MANBA: variants seen among roughly 807,000 people sequenced by gnomAD.
MANBA encodes mannosidase beta.
MANBA carries 83 observed loss-of-function variants against 111.1 expected under a neutral mutation model. The ratio of observed to expected loss-of-function variants is 0.75; its 90% CI spans 0.63 to 0.90. The LOEUF (loss-of-function observed/expected upper bound fraction) is 0.90, where lower values mean the gene tolerates loss of function less well. Ranked by LOEUF, MANBA falls within the 40% of genes least tolerant of loss-of-function variation. The pLI, the probability that MANBA is intolerant of heterozygous loss-of-function variation, is 0.00. For synonymous variants in MANBA, 370 were observed against 378.7 expected, an observed-to-expected ratio of 0.98 and a Z score of 0.27; for missense variants, 1,036 against 1,069.0, an observed-to-expected ratio of 0.97 and a Z score of 0.43.
intron 2 of MANBA, among the ~76,000 whole-genome samples, chr4:102,724,483 C>T (rs1194801124): frequency 2.0e-5 from 3 of 151,052 alleles, no homozygotes; most frequent in African/African-American, 4.9e-5. Context: ...CACTTGAACC[C>T]AGGAGGCGGA....
At chr4:102,694,152 G>A (rs1387579834) in intron 5 of MANBA, among the ~76,000 whole-genome samples, 1 of 152,164 alleles carries the variant, frequency 6.6e-6, no homozygotes, top group African/African-American at 2.4e-5. Context: ...TCTCGAGCAA[G>A]TCCGCACTCC....
chr4:102,727,247 A>G, intron 1 of MANBA: 1 of 466,100 alleles, frequency 2.1e-6, no homozygotes. Flanking sequence ...TCTGGGTTTC[A>G]TGTTTCTGTG....
intron 5 of MANBA, among the ~76,000 whole-genome samples, chr4:102,711,299 C>CA: frequency 6.6e-6 from 1 of 152,174 alleles, no homozygotes; most frequent in South Asian, 2.1e-4. Context: ...TAAAAGTGGG[C>CA]AAAGGACATG....
intron 1 of MANBA, among the ~76,000 whole-genome samples, chr4:102,758,390 C>T (rs1256266627): frequency 1.3e-5 from 2 of 152,108 alleles, no homozygotes; most frequent in East Asian, 1.9e-4. Flanking sequence ...CAAGTTCTTA[C>T]ACAAACACAA....
chr4:102,728,635 T>G (rs1578944314), intron 1 of MANBA: 1 of 502,702 alleles, frequency 2.0e-6, no homozygotes, highest in Non-Finnish European at 3.6e-6. Flanking sequence ...ACCCTGTGGG[T>G]GGGTTGAGGG....
chr4:102,660,788 TATA>T (rs1164254880), intron 11 of MANBA, among the ~76,000 whole-genome samples: 4 of 148,596 alleles, frequency 2.7e-5, no homozygotes, highest in Non-Finnish European at 4.5e-5. Flanking sequence ...ATAATATTAA[TATA>T]ATAATTATAA....
Position 102,692,556 on chromosome 4 carries a change from C to A in MANBA, c.674-1785G>T, listed in dbSNP as rs1309258104. 5.3e-5 allele frequency among the ~76,000 whole-genome samples: 8 copies of A among 152,088 alleles called. No homozygotes were observed. The South Asian group carries it at 1.5e-3, about 28-fold the overall frequency. On this transcript the variant is annotated intron_variant, in intron 5 of 16. Transcript: ENST00000647097. ...ACAAGAGCTGGGTGGAAAAACAGAC[C>A]GTTTTTTAAAGTTACGCAGAAGAAA...
chr4:102,662,321 C>G (rs1731000359), intron 11 of MANBA, among the ~76,000 whole-genome samples: 1 of 152,002 alleles, frequency 6.6e-6, no homozygotes, highest in Non-Finnish European at 1.5e-5. Flanking sequence ...GTGGGTGGAG[C>G]AGGAGGTCAG....
intron 1 of MANBA, among the ~76,000 whole-genome samples, chr4:102,736,007 G>A (rs916669717): frequency 2.6e-5 from 4 of 152,094 alleles, no homozygotes; most frequent in Non-Finnish European, 4.4e-5. Context: ...ATACTTACAC[G>A]TTTATACCAG....
Position 102,760,775 on chromosome 4 carries a change from C to T in MANBA, c.120G>A (p.Leu40=), listed in dbSNP as rs1373838394. The change falls in exon 1 of 17, where the codon CTG becomes CTA. Residue 40 remains leucine (L), a synonymous_variant. Transcript: ENST00000647097. The part of the protein sequence containing the change: ...SICNGNGSLE[L]PGAVPGCVHS... ...GCACGCAGCCAGGGACCGCCCCGGG[C>T]AGCTCCAGCGAGCCGTTCCCATTGC... 6.4e-7 allele frequency: 1 copy of T among 1,551,576 alleles called. No individual in the cohort carries two copies. Among genetic ancestry groups the T allele is most frequent in the Non-Finnish European group, 8.7e-7 (1 of 1,147,920 alleles).
At chr4:102,745,487 T>A (rs1330707677) in intron 1 of MANBA, among the ~76,000 whole-genome samples, 1 of 152,190 alleles carries the variant, frequency 6.6e-6, no homozygotes, top group Non-Finnish European at 1.5e-5. Context: ...GGGTGTATCT[T>A]CTGGACCCTC....
At chr4:102,680,603 G>GA (rs1042851804) in intron 7 of MANBA, among the ~76,000 whole-genome samples, 3 of 150,446 alleles carry the variant, frequency 2.0e-5, no homozygotes, top group Non-Finnish European at 3.0e-5. Flanking sequence ...AATCACACAG[G>GA]AAAAAAAAAG....
At chr4:102,715,825 CAG>C (rs1322387440) in intron 4 of MANBA, among the ~76,000 whole-genome samples, 1 of 152,162 alleles carries the variant, frequency 6.6e-6, no homozygotes. Flanking sequence ...ACCTATGAAA[CAG>C]ATAAATTTGG....
intron 1 of MANBA, 67 bp from the exon 2 acceptor site, chr4:102,726,750 A>C (rs1370826212): frequency 8.5e-6 from 7 of 826,166 alleles, no homozygotes; most frequent in Non-Finnish European, 1.5e-5. Context: ...TAAAACAAAC[A>C]TAAAATAAAT....
chr4:102,731,657 C>T (rs1163181548), intron 1 of MANBA, among the ~76,000 whole-genome samples: 2 of 152,196 alleles, frequency 1.3e-5, no homozygotes, highest in Admixed American at 1.3e-4. Context: ...CATGCCCTTT[C>T]CTTTGCAATT....
At chr4:102,638,482 C>T (rs1729726438) in intron 14 of MANBA, among the ~76,000 whole-genome samples, 1 of 151,814 alleles carries the variant, frequency 6.6e-6, no homozygotes, top group Admixed American at 6.6e-5. Flanking sequence ...TCTTGTTTCC[C>T]ACAGACCTAC....
chr4:102,699,127 T>C (rs1383534879), intron 5 of MANBA, among the ~76,000 whole-genome samples: 1 of 152,170 alleles, frequency 6.6e-6, no homozygotes, highest in Non-Finnish European at 1.5e-5. Flanking sequence ...CAATTGTGAA[T>C]GGGAGTTCAC....
chr4:102,635,903 C>A lies in MANBA; in HGVS notation c.2119G>T (p.Val707Leu), dbSNP rs754110272. The change falls in exon 15 of 17, where the codon GTG (valine) becomes TTG (leucine). Residue 707 changes from valine (V) to leucine (L), a missense_variant. Val to Leu is a conservative substitution (Grantham distance 32). Coordinates refer to ENST00000647097, the MANE Select transcript of MANBA (RefSeq NM_005908.4). ...ENENTFYIYG[V>L]SDLHSDYSMT... The stretch of plus-strand genomic sequence containing the variant: ...GAATAATCCGAGTGAAGATCTGACA[C>A]ACCATAGATATAGAACGTGTTTTCA... The A allele has an allele frequency of 4.3e-6, 7 of 1,612,310 alleles. No homozygotes were observed. Among genetic ancestry groups the A allele is most frequent in the Non-Finnish European group, 5.9e-6 (7 of 1,178,336 alleles).
At chr4:102,635,794 A>G in intron 15 of MANBA, 71 bp downstream of exon 15, 1 of 1,467,942 alleles carries the variant, frequency 6.8e-7, no homozygotes, top group Non-Finnish European at 9.5e-7. Context: ...TCCCAAAAGA[A>G]TGTAACCAAA....
Sources: gnomAD v4.1 joint callset for allele counts (sites outside exome capture counted in the v4.1 genomes callset) on GRCh38, gnomAD v4.1.1 for gene constraint, MANE v1.5 for transcripts, NCBI Gene and HGNC (gene_info 2026-07-23, HGNC 2026-07-21) for gene names.